AGO3: variants seen among roughly 807,000 people sequenced by gnomAD.
AGO3 encodes argonaute RISC catalytic component 3.
In AGO3, 16 loss-of-function variants were observed where a neutral mutation model predicts 105.5. That is an observed-to-expected ratio of 0.15 (90% CI 0.10 to 0.23). The LOEUF is 0.23. Among genes scored for constraint, AGO3 ranks in the 10% least tolerant of loss-of-function variants. AGO3 has a pLI of 1.00. For missense variants in AGO3, 534 were observed against 1,088.0 expected (o/e 0.49, Z 7.16); for synonymous variants, 340 against 367.3 (o/e 0.93, Z 0.85).
chr1:35,993,738 CTTTTTTTTTTTTT>C (rs141978570), intron 5 of AGO3, among the ~76,000 whole-genome samples: 1 of 90,780 alleles, frequency 1.1e-5, no homozygotes, highest in Non-Finnish European at 2.2e-5. Context: ...CCACCCCCTG[CTTTTTTTTTTTTT>C]TTTTTTTTTT....
chr1:35,942,060 A>T (rs1402257282), intron 1 of AGO3, among the ~76,000 whole-genome samples: 1 of 152,246 alleles, frequency 6.6e-6, no homozygotes, highest in Non-Finnish European at 1.5e-5. Flanking sequence ...TGGCAGAGCC[A>T]GTACTAAGGG....
At chr1:36,048,324 A>G (rs914576951) in intron 17 of AGO3, among the ~76,000 whole-genome samples, 2 of 152,162 alleles carry the variant, frequency 1.3e-5, no homozygotes, top group Non-Finnish European at 2.9e-5. Flanking sequence ...TAAGAATCCT[A>G]TTTCCAGCAA....
Position 36,069,843 on chromosome 1 carries a change from G to A in AGO3, c.*14098G>A, listed in dbSNP as rs1241789082. On this transcript the variant is annotated 3_prime_UTR_variant, in exon 19 of 19. Transcript: ENST00000373191. ...AGGCCGAGGTAGGTGGATCACTTGA[G>A]GTCAGGAGTTCGAGACCAGCCTGGC... is the stretch of plus-strand genomic sequence containing the variant. 1.3e-5 allele frequency: 2 copies of A among 152,214 alleles called. No homozygotes were observed. Among genetic ancestry groups the A allele is most frequent in the African/African-American group, 2.4e-5 (1 of 41,442 alleles). 9.4% of individuals were successfully genotyped at this position (152,214 alleles called of 1,614,324 possible).
rs771760638 is a variant in AGO3, at chr1:36,027,316, C to T, written c.1591+18C>T. On this transcript the variant is annotated intron_variant, in intron 12 of 18. Transcript: ENST00000373191. The surrounding 1 kb of genome is among the most constrained non-coding windows in gnomAD (Gnocchi z 4.0). The stretch of plus-strand genomic sequence containing the variant: ...AGTGTATGGTAAGGATATCTTAAGA[C>T]TGCATTTTTCCTCAAGTACTTGATG... The T allele has an allele frequency of 1.3e-6, 2 of 1,570,560 alleles. No homozygotes were observed. The highest frequency in any genetic ancestry group is 1.7e-6 in the Non-Finnish European group (2 of 1,155,522).
chr1:36,036,338 G>GCAAATTAAAAAAA lies in AGO3; in HGVS notation c.1842+71_1842+72insCAAATTAAAAAAA, dbSNP rs1642007461. The GCAAATTAAAAAAA allele has an allele frequency of 3.7e-6, 5 of 1,366,600 alleles. No homozygotes were observed. The African/African-American group carries it at 7.3e-5, about 20-fold the overall frequency. The allele number at this position is 1,366,600 out of a possible 1,614,324, so 84.7% of individuals were successfully genotyped here. A position where few individuals can be genotyped will look rare whatever the true frequency, so the allele number is the denominator to read the frequency against. ...ATCAATTTTGCAGTTTCAACTTTTT[G>GCAAATTAAAAAAA]AATTTTAATATTTTCTTTGTAGCCA... On this transcript the variant is annotated intron_variant, in intron 14 of 18. Transcript: ENST00000373191.
At chr1:36,010,601 C>CAA (rs1251742764) in intron 9 of AGO3, among the ~76,000 whole-genome samples, 4 of 92,244 alleles carry the variant, frequency 4.3e-5, no homozygotes, top group African/African-American at 8.3e-5. Context: ...GACTCTGTCT[C>CAA]AAAAAAAAAA....
At chr1:35,958,128 A>T (rs530636105) in intron 2 of AGO3, among the ~76,000 whole-genome samples, 2 of 152,232 alleles carry the variant, frequency 1.3e-5, no homozygotes, top group African/African-American at 4.8e-5. Flanking sequence ...CACGCCTGTA[A>T]TCCCAGCACT....
chr1:36,039,275 C>G (rs561123509), intron 14 of AGO3, among the ~76,000 whole-genome samples: 4 of 152,112 alleles, frequency 2.6e-5, no homozygotes, highest in Non-Finnish European at 5.9e-5. Flanking sequence ...GCAGACGGAT[C>G]ACGAGGTCAA....
intron 1 of AGO3, among the ~76,000 whole-genome samples, chr1:35,944,227 T>A (rs1646314942): frequency 2.0e-5 from 3 of 151,998 alleles, no homozygotes; most frequent in African/African-American, 7.3e-5. Flanking sequence ...TCAAATTTGA[T>A]GAATAATACT....
chr1:35,931,414 C>G lies in AGO3; in HGVS notation c.-13C>G, dbSNP rs1646044824. On this transcript the variant is annotated 5_prime_UTR_variant, in exon 1 of 19. Transcript: ENST00000373191. ...CTCCGTTCTCCCTCGAAGCACTCCCCCCAGCTCCATGAATGGAAATCGGCT... is the reference window on the plus strand; with the variant it reads ...CTCCGTTCTCCCTCGAAGCACTCCCGCCAGCTCCATGAATGGAAATCGGCT... The G allele has an allele frequency of 6.6e-7, 1 of 1,505,488 alleles. No individual in the cohort carries two copies. The highest frequency in any genetic ancestry group is 8.9e-7 in the Non-Finnish European group (1 of 1,126,036). The allele number at this position is 1,505,488 out of a possible 1,614,324, so 93.3% of individuals were successfully genotyped here.
At chr1:35,995,713 T>C (rs1648268862) in intron 5 of AGO3, among the ~76,000 whole-genome samples, 1 of 152,162 alleles carries the variant, frequency 6.6e-6, no homozygotes, top group Non-Finnish European at 1.5e-5. Context: ...AGGATCTCCC[T>C]ATCACCCGGA....
chr1:35,948,383 A>G (rs1646407709), intron 2 of AGO3, among the ~76,000 whole-genome samples: 1 of 151,708 alleles, frequency 6.6e-6, no homozygotes, highest in Admixed American at 6.6e-5. Context: ...ATGACCAGCT[A>G]ATTTTTTGTA....
At chr1:35,934,999 A>C (rs1212291683) in intron 1 of AGO3, among the ~76,000 whole-genome samples, 1 of 152,150 alleles carries the variant, frequency 6.6e-6, no homozygotes, top group Non-Finnish European at 1.5e-5. Flanking sequence ...TGAAGAAAAA[A>C]AATCAAATTA....
intron 2 of AGO3, among the ~76,000 whole-genome samples, chr1:35,962,007 A>C (rs1224976968): frequency 6.6e-6 from 1 of 152,152 alleles, no homozygotes; most frequent in Non-Finnish European, 1.5e-5. Context: ...TGTAGTTGTT[A>C]GTAGCTTTTA....
intron 1 of AGO3, among the ~76,000 whole-genome samples, chr1:35,939,777 G>A (rs182692067): frequency 1.3e-4 from 20 of 152,160 alleles, no homozygotes; most frequent in African/African-American, 4.8e-4. Context: ...AATTTAGGAT[G>A]TATACATATA....
At chr1:36,046,530 A>G (rs141477604) in intron 17 of AGO3, among the ~76,000 whole-genome samples, 81 of 151,046 alleles carry the variant, frequency 5.4e-4, no homozygotes, top group Non-Finnish European at 1.0e-3. Flanking sequence ...TGTCTCTACT[A>G]AAACTACAAA....
intron 12 of AGO3, among the ~76,000 whole-genome samples, chr1:36,028,028 A>G (rs1469003766): frequency 2.6e-5 from 4 of 151,888 alleles, no homozygotes; most frequent in African/African-American, 9.7e-5. Context: ...GAATTGGGAC[A>G]ATATTTATGT....
At chr1:35,952,092 A>C (rs1186505540) in intron 2 of AGO3, among the ~76,000 whole-genome samples, 1 of 144,408 alleles carries the variant, frequency 6.9e-6, no homozygotes, top group East Asian at 2.1e-4. Context: ...TTCTCTGTAG[A>C]TTGTCGGTTC....
intron 9 of AGO3, among the ~76,000 whole-genome samples, chr1:36,013,078 A>G (rs1183079732): frequency 2.6e-5 from 4 of 152,012 alleles, no homozygotes; most frequent in Admixed American, 2.6e-4. Context: ...CTGGGACCAC[A>G]GGCACACAGC....
Sources: allele counts gnomAD v4.1 joint callset (sites outside exome capture counted in the v4.1 genomes callset), GRCh38; gene constraint gnomAD v4.1.1; non-coding constraint Gnocchi (gnomAD v3.1); transcripts MANE v1.5; gene names NCBI Gene and HGNC (gene_info 2026-07-23, HGNC 2026-07-21).